The following SLC4A5 variants were observed in gnomAD, a reference collection of about 807,000 sequenced individuals.
SLC4A5 encodes the protein solute carrier family 4 member 5, also known as electrogenic sodium bicarbonate cotransporter 4.
SLC4A5 carries 96 observed loss-of-function variants against 120.4 expected under a neutral mutation model. The ratio of observed to expected loss-of-function variants is 0.80; its 90% CI spans 0.68 to 0.94. SLC4A5 has a LOEUF of 0.94. Ranked by LOEUF, SLC4A5 falls within the 40% of genes least tolerant of loss-of-function variation. The pLI is 0.00. For synonymous variants in SLC4A5, 550 were observed against 571.1 expected (o/e 0.96, Z 0.53); for missense variants, 1,259 against 1,459.5 (o/e 0.86, Z 2.24).
exon 22 of SLC4A5, chr2:74,235,150 G>A (rs1670229611): frequency 6.2e-7 from 1 of 1,614,138 alleles, no homozygotes; most frequent in African/African-American, 1.3e-5. Context: ...GCCAAAACAG[G>A]CATCGATTCC....
chr2:74,320,952 CA>C (rs1346698108), intron 5 of SLC4A5, among the ~76,000 whole-genome samples: 26 of 152,166 alleles, frequency 1.7e-4, no homozygotes, highest in Non-Finnish European at 3.5e-4. Flanking sequence ...AATATTTACA[CA>C]GTCATAATAA....
At chr2:74,308,589 A>C (rs569219885) in intron 6 of SLC4A5, among the ~76,000 whole-genome samples, 8 of 152,070 alleles carry the variant, frequency 5.3e-5, no homozygotes, top group Non-Finnish European at 1.0e-4. Context: ...TTGAGTTTTA[A>C]AAGTTCTTTT....
Position 74,323,987 on chromosome 2 carries a change from G to A in SLC4A5, c.-3+4133C>T, listed in dbSNP as rs114261620. On this transcript the variant is annotated intron_variant, in intron 5 of 30. Coordinates refer to ENST00000394019, the Ensembl canonical transcript of SLC4A5. Reference sequence around the variant, plus strand: ...GGAACTGTGGCATATGGAGGAAGCTGGAATGGAGTTCCATTGCTTTTTATG... The same window carrying A: ...GGAACTGTGGCATATGGAGGAAGCTAGAATGGAGTTCCATTGCTTTTTATG... 6.8e-3 allele frequency among the ~76,000 whole-genome samples: 1,038 copies of A among 152,224 alleles called. 9 individuals are homozygous for A. The highest frequency in any genetic ancestry group is 0.011 in the South Asian group (53 of 4,814).
In SLC4A5 at chr2:74,232,663, TG is replaced by T. The variant is rs767416700; in HGVS notation, c.2596-17del. The stretch of plus-strand genomic sequence containing the variant: ...CGGCAGCCTTCTGCAGGAGCGGGGT[TG>T]GGGGAGGGAGAAGTTTCTGGGGAGC... On this transcript the variant is annotated splice_polypyrimidine_tract_variant and intron_variant, in intron 23 of 30. Coordinates refer to ENST00000394019, the Ensembl canonical transcript of SLC4A5. The T allele has an allele frequency of 7.5e-6, 12 of 1,609,270 alleles. No individual in the cohort carries two copies. Among genetic ancestry groups the T allele is most frequent in the Non-Finnish European group, 1.0e-5 (12 of 1,178,658 alleles).
At chr2:74,314,917 T>C (rs754350204) in intron 6 of SLC4A5, 28 bp downstream of exon 6, 2 of 1,599,048 alleles carry the variant, frequency 1.3e-6, no homozygotes, top group Admixed American at 3.3e-5. Context: ...CTCCTGAGAT[T>C]TGCATCAAGT....
At chr2:74,315,558 A>G (rs1339744578) in intron 5 of SLC4A5, among the ~76,000 whole-genome samples, 1 of 151,306 alleles carries the variant, frequency 6.6e-6, no homozygotes, top group Non-Finnish European at 1.5e-5. Context: ...GAGAGCACAT[A>G]TACTACGTCA....
At chr2:74,298,437 G>T (rs964657053) in intron 7 of SLC4A5, among the ~76,000 whole-genome samples, 1 of 152,164 alleles carries the variant, frequency 6.6e-6, no homozygotes, top group African/African-American at 2.4e-5. Flanking sequence ...TGGATTAAAG[G>T]CTTAAATGTA....
intron 22 of SLC4A5, 44 bp downstream of exon 22, chr2:74,235,057 T>C: frequency 1.4e-6 from 2 of 1,451,016 alleles, no homozygotes; most frequent in Non-Finnish European, 1.9e-6. Flanking sequence ...CTGCAGCTGG[T>C]AGGCAGGCAG....
chr2:74,219,857 T>TA (rs1316554732), intron 30 of SLC4A5, among the ~76,000 whole-genome samples: 1 of 152,188 alleles, frequency 6.6e-6, no homozygotes, highest in Non-Finnish European at 1.5e-5. Flanking sequence ...AGGTGGAGAT[T>TA]AACTGGGACA....
intron 3 of SLC4A5, among the ~76,000 whole-genome samples, chr2:74,336,530 G>A (rs1026782968): frequency 6.6e-6 from 1 of 152,086 alleles, no homozygotes; most frequent in African/African-American, 2.4e-5. Flanking sequence ...ATTAAATGAG[G>A]TAACATACAT....
In SLC4A5 at chr2:74,231,265, T is replaced by G. The variant is rs751370767; in HGVS notation, c.2818A>C (p.Ile940Leu). 3.1e-6 allele frequency: 5 copies of G among 1,612,144 alleles called. No individual in the cohort carries two copies. In the South Asian group the frequency reaches 5.5e-5, roughly 18 times the overall value. The change falls in exon 25 of 31, where the codon ATC becomes CTC. Residue 940 changes from isoleucine to leucine, a missense_variant. Physicochemically the swap from Ile to Leu is conservative, Grantham distance 5 (BLOSUM62 2). Coordinates refer to ENST00000394019, the Ensembl canonical transcript of SLC4A5. ...AGGATGGGAGCCAGGAAGACAGAGA[T>G]TCCCGTCAGGATGAAGACGATGATG...
At chr2:74,303,872 C>A (rs1033637593) in intron 7 of SLC4A5, among the ~76,000 whole-genome samples, 1 of 147,332 alleles carries the variant, frequency 6.8e-6, no homozygotes, top group African/African-American at 2.5e-5. Flanking sequence ...TTTTTTGAGA[C>A]GGAGTCTCGC....
chr2:74,288,810 T>C (rs1672067887), intron 7 of SLC4A5, among the ~76,000 whole-genome samples: 1 of 152,152 alleles, frequency 6.6e-6, no homozygotes, highest in Admixed American at 6.5e-5. Flanking sequence ...CTCAACATAT[T>C]CAAAACAGCT....
chr2:74,232,190 T>C (rs1261215654), intron 24 of SLC4A5, among the ~76,000 whole-genome samples: 1 of 152,086 alleles, frequency 6.6e-6, no homozygotes, highest in Non-Finnish European at 1.5e-5. Context: ...GTGGGGACCT[T>C]GGGTGGCTGA....
chr2:74,288,808 A>T (rs1027996108), intron 7 of SLC4A5, among the ~76,000 whole-genome samples: 5 of 152,136 alleles, frequency 3.3e-5, no homozygotes, highest in Admixed American at 6.5e-5. Context: ...ACCTCAACAT[A>T]TTCAAAACAG....
chr2:74,299,796 G>A (rs1672425942), intron 7 of SLC4A5, among the ~76,000 whole-genome samples: 2 of 152,092 alleles, frequency 1.3e-5, no homozygotes, highest in South Asian at 4.2e-4. Flanking sequence ...CAGCCATTAT[G>A]GAAAATAATA....
chr2:74,249,904 G>C (rs1027702613), intron 17 of SLC4A5, among the ~76,000 whole-genome samples: 4 of 152,168 alleles, frequency 2.6e-5, no homozygotes, highest in African/African-American at 9.7e-5. Flanking sequence ...GTTTTCCCCA[G>C]GGAGGCCTGA....
At chr2:74,229,883 T>G (rs1413181940) in intron 25 of SLC4A5, among the ~76,000 whole-genome samples, 1 of 130,208 alleles carries the variant, frequency 7.7e-6, no homozygotes, top group Non-Finnish European at 1.6e-5. Context: ...TGAATGAGGT[T>G]TTTTTTTTTT....
intron 19 of SLC4A5, among the ~76,000 whole-genome samples, chr2:74,245,415 C>T (rs182875193): frequency 9.9e-5 from 15 of 152,254 alleles, no homozygotes; most frequent in South Asian, 6.2e-4. Context: ...GTAAAATTTA[C>T]GTCAATGCAA....
Sources: gnomAD v4.1 joint callset for allele counts (sites outside exome capture counted in the v4.1 genomes callset) on GRCh38, gnomAD v4.1.1 for gene constraint, MANE v1.5 for transcripts, NCBI Gene and HGNC (gene_info 2026-07-23, HGNC 2026-07-21) for gene names.